The following ADCY9 variants were observed in gnomAD, a reference collection of about 807,000 sequenced individuals.
ADCY9 encodes the protein adenylate cyclase type 9.
Under a neutral mutation model 101.5 loss-of-function variants are expected in ADCY9, and 50 were observed. The observed-to-expected ratio is 0.49, with a 90% CI of 0.39 to 0.62. The LOEUF (loss-of-function observed/expected upper bound fraction) is 0.62, where lower values mean the gene tolerates loss of function less well. Ranked by LOEUF, ADCY9 falls within the 20% of genes least tolerant of loss-of-function variation. The probability of loss-of-function intolerance (pLI) is 0.00; values close to 1 mark genes in which losing one functional copy is unlikely to be tolerated. For synonymous variants in ADCY9, 905 were observed against 769.3 expected (o/e 1.18, Z -2.92); for missense variants, 1,662 against 1,800.4 (o/e 0.92, Z 1.39).
intron 2 of ADCY9, among the ~76,000 whole-genome samples, chr16:4,020,670 C>T (rs944365194): frequency 1.3e-5 from 2 of 151,646 alleles, no homozygotes; most frequent in African/African-American, 4.8e-5. Context: ...AAAAAATATA[C>T]AAAAAATTAG....
chr16:3,958,403 G>C (rs2055919138), downstream of ADCY9, among the ~76,000 whole-genome samples: 2 of 151,782 alleles, frequency 1.3e-5, no homozygotes, highest in Admixed American at 1.3e-4. Context: ...AGCCGGGTGT[G>C]GTGGTGTGCA....
chr16:4,044,004 A>T (rs994092818), intron 2 of ADCY9, among the ~76,000 whole-genome samples: 5 of 152,134 alleles, frequency 3.3e-5, no homozygotes. Flanking sequence ...CTTCCTTTTT[A>T]AAAAAATGAA....
intron 2 of ADCY9, among the ~76,000 whole-genome samples, chr16:4,109,847 G>T (rs1333528349): frequency 6.6e-6 from 1 of 152,134 alleles, no homozygotes; most frequent in Non-Finnish European, 1.5e-5. Context: ...AAAACTGCAA[G>T]TCAGATCACC....
chr16:3,987,607 C>T (rs1597147194), intron 6 of ADCY9, among the ~76,000 whole-genome samples: 2 of 152,216 alleles, frequency 1.3e-5, no homozygotes, highest in Non-Finnish European at 1.5e-5. Flanking sequence ...AAGTCCACTC[C>T]GGGAGCCATG....
At chr16:4,033,632 G>C (rs927115149) in intron 2 of ADCY9, among the ~76,000 whole-genome samples, 6 of 151,972 alleles carry the variant, frequency 3.9e-5, no homozygotes, top group African/African-American at 7.3e-5. Flanking sequence ...GGCCAGGATG[G>C]TCTCAATCTC....
intron 2 of ADCY9, among the ~76,000 whole-genome samples, chr16:4,010,721 C>T (rs1172277235): frequency 1.3e-5 from 2 of 152,140 alleles, no homozygotes; most frequent in Admixed American, 1.3e-4. Context: ...GAGGGGGCAT[C>T]TTGAGAAGCC....
In ADCY9 at chr16:4,074,531, CA is replaced by C. The variant is rs774528288; in HGVS notation, c.1693+39218del. On this transcript the variant is annotated intron_variant, in intron 2 of 10. Coordinates refer to ENST00000294016, the MANE Select transcript of ADCY9 (RefSeq NM_001116.4). ...GCAACATAGTGAGGATCTGCCTCCG[CA>C]AAAAAAAAAAAACAAAATTTAAATT... Among the ~76,000 whole-genome samples the C allele has an allele frequency of 6.2e-4, 56 of 90,890 alleles. 1 individual carries two copies. In the Middle Eastern group the frequency reaches 0.024, roughly 38 times the overall value. 59.6% of individuals were successfully genotyped at this position (90,890 alleles called of 152,430 possible).
intron 10 of ADCY9, among the ~76,000 whole-genome samples, chr16:3,973,875 C>T (rs1348014971): frequency 6.6e-6 from 1 of 152,076 alleles, no homozygotes; most frequent in African/African-American, 2.4e-5. Flanking sequence ...TATTTGTAAG[C>T]CTGGAAAGTT....
At chr16:4,061,196 A>G (rs2056771651) in intron 2 of ADCY9, among the ~76,000 whole-genome samples, 1 of 152,070 alleles carries the variant, frequency 6.6e-6, no homozygotes, top group Admixed American at 6.6e-5. Context: ...GAAAAATAAA[A>G]AGAACCTCAG....
chr16:3,965,129 G>C lies in ADCY9; in HGVS notation c.*646C>G, dbSNP rs1189392396. Reference sequence around the variant, plus strand: ...AAACCCGCTCAGTGCAGGGAGCGCGGCTCACCCACAGCCCACGGGGCGCGG... The same window carrying C: ...AAACCCGCTCAGTGCAGGGAGCGCGCCTCACCCACAGCCCACGGGGCGCGG... On this transcript the variant is annotated 3_prime_UTR_variant, in exon 11 of 11. Transcript: ENST00000294016. The C allele has an allele frequency of 6.4e-6, 1 of 155,574 alleles. No homozygotes were observed. Among genetic ancestry groups the C allele is most frequent in the African/African-American group, 2.4e-5 (1 of 41,472 alleles). 9.6% of individuals were successfully genotyped at this position (155,574 alleles called of 1,614,324 possible). A position where few individuals can be genotyped will look rare whatever the true frequency, so the allele number is the denominator to read the frequency against.
In ADCY9 at chr16:4,097,553, A is replaced by ATATATATTTTT. The variant is rs1382458827; in HGVS notation, c.1693+16196_1693+16197insAAAAATATATA. 7.1e-4 allele frequency among the ~76,000 whole-genome samples: 38 copies of ATATATATTTTT among 53,402 alleles called. 1 individual carries two copies. The highest frequency in any genetic ancestry group is 2.3e-3 in the East Asian group (3 of 1,316). 35.0% of individuals were successfully genotyped at this position (53,402 alleles called of 152,430 possible). A position where few individuals can be genotyped will look rare whatever the true frequency, so the allele number is the denominator to read the frequency against. On this transcript the variant is annotated intron_variant, in intron 2 of 10. Transcript: ENST00000294016. The stretch of plus-strand genomic sequence containing the variant: ...CATATATATATATATATATATATAT[A>ATATATATTTTT]TTTTTTTTTTTTTTTTTTAAGACAG...
chr16:3,995,043 A>G (rs894821028), intron 3 of ADCY9, among the ~76,000 whole-genome samples: 1 of 152,192 alleles, frequency 6.6e-6, no homozygotes, highest in Non-Finnish European at 1.5e-5. Context: ...TAGGATTCAA[A>G]CCCTAGTCAA....
chr16:3,989,207 C>A, intron 5 of ADCY9, 111 bp from the exon 6 acceptor site: 1 of 774,126 alleles, frequency 1.3e-6, no homozygotes, highest in Non-Finnish European at 2.1e-6. Flanking sequence ...ATTACAACAG[C>A]TGCGTCTAAA....
chr16:4,067,903 T>C lies in ADCY9; in HGVS notation c.1693+45847A>G, dbSNP rs151259208. Among the ~76,000 whole-genome samples, 232 of 152,322 alleles carry C rather than the reference T, an allele frequency of 1.5e-3. 1 individual carries two copies. Among genetic ancestry groups the C allele is most frequent in the African/African-American group, 5.3e-3 (220 of 41,584 alleles). On this transcript the variant is annotated intron_variant, in intron 2 of 10. Transcript: ENST00000294016. ...TGTGGTGACTGAACTAACTCTATGT[T>C]GCACTTTTGGTGAAAAACTGCAACA...
intron 3 of ADCY9, among the ~76,000 whole-genome samples, chr16:4,004,021 C>T (rs1442905557): frequency 1.3e-5 from 2 of 151,680 alleles, no homozygotes; most frequent in Admixed American, 1.3e-4. Context: ...TTTTAAGAGG[C>T]CAAGGCAGGA....
chr16:4,052,365 C>T (rs1165855274), intron 2 of ADCY9, among the ~76,000 whole-genome samples: 3 of 152,198 alleles, frequency 2.0e-5, no homozygotes, highest in African/African-American at 7.2e-5. Context: ...GCAGGCTATC[C>T]GGGACAGCGT....
downstream of ADCY9, among the ~76,000 whole-genome samples, chr16:3,960,017 C>T (rs996049822): frequency 6.6e-6 from 1 of 151,988 alleles, no homozygotes; most frequent in African/African-American, 2.4e-5. Flanking sequence ...CAGAGTGAGA[C>T]TCTGTCTCAA....
intron 3 of ADCY9, among the ~76,000 whole-genome samples, chr16:4,001,719 T>C (rs927877122): frequency 8.0e-5 from 12 of 150,334 alleles, no homozygotes; most frequent in Non-Finnish European, 1.8e-4. Context: ...TGGCTAACTT[T>C]TATAGTTTTT....
chr16:4,047,435 GC>G (rs1354788791), intron 2 of ADCY9, among the ~76,000 whole-genome samples: 1 of 151,160 alleles, frequency 6.6e-6, no homozygotes, highest in African/African-American at 2.5e-5. Context: ...CTAGTTAAGG[GC>G]CTGGGGGACT....
Sources: gnomAD v4.1 joint callset for allele counts (sites outside exome capture counted in the v4.1 genomes callset) on GRCh38, gnomAD v4.1.1 for gene constraint, MANE v1.5 for transcripts, NCBI Gene and HGNC (gene_info 2026-07-23, HGNC 2026-07-21) for gene names.